The following PIK3CB variants were observed in gnomAD, a reference collection of about 807,000 sequenced individuals.
The protein encoded by PIK3CB is phosphatidylinositol 4,5-bisphosphate 3-kinase catalytic subunit beta isoform.
In PIK3CB, 39 loss-of-function variants were observed where a neutral mutation model predicts 136.8. That is an observed-to-expected ratio of 0.29 (90% CI 0.22 to 0.37). PIK3CB has a LOEUF of 0.37. Ranked by LOEUF, PIK3CB falls within the 10% of genes least tolerant of loss-of-function variation. The probability of loss-of-function intolerance (pLI) is 1.00; values close to 1 mark genes in which losing one functional copy is unlikely to be tolerated. For missense variants in PIK3CB, 868 were observed against 1,275.4 expected (o/e 0.68, Z 4.87); for synonymous variants, 428 against 436.6 (o/e 0.98, Z 0.25).
intron 10 of PIK3CB, among the ~76,000 whole-genome samples, chr3:138,711,697 T>C (rs898619844): frequency 6.6e-6 from 1 of 151,428 alleles, no homozygotes. Flanking sequence ...TTATGTCCCA[T>C]AGCGAGACTA....
chr3:138,736,267 A>G (rs2045101096), intron 6 of PIK3CB, among the ~76,000 whole-genome samples: 1 of 152,144 alleles, frequency 6.6e-6, no homozygotes, highest in African/African-American at 2.4e-5. Context: ...CTGTGCACAT[A>G]AGTTATAACT....
rs2043793246 is a variant in PIK3CB, at chr3:138,682,036, T to C, written c.2435A>G (p.Gln812Arg). 6.2e-7 allele frequency: 1 copy of C among 1,610,326 alleles called. No homozygotes were observed. The highest frequency in any genetic ancestry group is 8.5e-7 in the Non-Finnish European group (1 of 1,177,924). Residue 812 changes from glutamine to arginine, a missense_variant, in exon 19 of 24, where the codon CAG becomes CGG. By Grantham distance (43) the Gln-to-Arg change is conservative. This residue lies in a region of PIK3CB where 165 missense variants were observed against 295.4 expected (regional missense o/e 0.56). Coordinates refer to ENST00000674063, the MANE Select transcript of PIK3CB (RefSeq NM_006219.3). ...CAACATTTGGAGTGTCAACATATCCTGTCGTAAATCTAAGGGAAAACAAAC... is the reference window on the plus strand; with the variant it reads ...CAACATTTGGAGTGTCAACATATCCCGTCGTAAATCTAAGGGAAAACAAAC... Reference protein sequence around the residue: ...VIFKNGDDLRQDMLTLQMLRL... With the variant: ...VIFKNGDDLRRDMLTLQMLRL...
intron 8 of PIK3CB, among the ~76,000 whole-genome samples, chr3:138,731,760 G>A (rs1268298118): frequency 3.3e-5 from 5 of 151,646 alleles, no homozygotes; most frequent in Admixed American, 6.6e-5. Context: ...CACAGCAGGC[G>A]GATCACGAGG....
At chr3:138,821,243 C>T (rs1347146060) in intron 1 of PIK3CB, among the ~76,000 whole-genome samples, 1 of 149,190 alleles carries the variant, frequency 6.7e-6, no homozygotes. Flanking sequence ...GAGATTGTGC[C>T]ACTGCACTCC....
intron 1 of PIK3CB, among the ~76,000 whole-genome samples, chr3:138,815,368 A>AAAAAAAAAAAAAAAAAAAAAC (rs1553743726): frequency 3.8e-5 from 4 of 105,908 alleles, no homozygotes; most frequent in Non-Finnish European, 5.8e-5. Context: ...AAAAAAAAAA[A>AAAAAAAAAAAAAAAAAAAAAC]AAAAAAACTA....
intron 1 of PIK3CB, among the ~76,000 whole-genome samples, chr3:138,802,441 G>T (rs1384251559): frequency 6.6e-6 from 1 of 151,540 alleles, no homozygotes; most frequent in African/African-American, 2.4e-5. Flanking sequence ...AAAGGAAAGA[G>T]TGGCGGAGGA....
intron 12 of PIK3CB, among the ~76,000 whole-genome samples, chr3:138,702,091 T>C (rs977902294): frequency 3.6e-5 from 5 of 140,794 alleles, no homozygotes; most frequent in African/African-American, 1.2e-4. Context: ...GAAACTTTCA[T>C]TTTTGGTTTA....
chr3:138,692,863 A>C (rs894571313), intron 14 of PIK3CB, among the ~76,000 whole-genome samples: 1 of 152,216 alleles, frequency 6.6e-6, no homozygotes. Flanking sequence ...TGAATCTCAT[A>C]GATTCTCACA....
At chr3:138,740,863 T>C (rs2045229921) in intron 5 of PIK3CB, among the ~76,000 whole-genome samples, 1 of 152,118 alleles carries the variant, frequency 6.6e-6, no homozygotes, top group Admixed American at 6.6e-5. Context: ...AACCTGGTCT[T>C]GAACTCCTGG....
chr3:138,787,923 T>C (rs1449637859), intron 2 of PIK3CB, among the ~76,000 whole-genome samples: 1 of 30,838 alleles, frequency 3.2e-5, no homozygotes, highest in Non-Finnish European at 7.1e-5. Flanking sequence ...ACTAGAAGAC[T>C]TTTTTTTTTT....
intron 21 of PIK3CB, among the ~76,000 whole-genome samples, chr3:138,662,310 G>A (rs1221304704): frequency 7.8e-6 from 1 of 128,996 alleles, no homozygotes; most frequent in Non-Finnish European, 1.5e-5. Context: ...CCCTTCCTGT[G>A]TCCATGTGTT....
intron 12 of PIK3CB, among the ~76,000 whole-genome samples, chr3:138,699,435 G>A (rs2044203143): frequency 6.6e-6 from 1 of 151,894 alleles, no homozygotes. Flanking sequence ...TGGACTGCCT[G>A]AGGTCAGGAG....
intron 16 of PIK3CB, among the ~76,000 whole-genome samples, chr3:138,688,402 G>A (rs1308981248): frequency 2.0e-5 from 3 of 150,766 alleles, no homozygotes; most frequent in African/African-American, 7.3e-5. Flanking sequence ...TCGGGAGGCT[G>A]AGGCAGGAGA....
chr3:138,786,164 GT>G (rs2045980150), intron 2 of PIK3CB, among the ~76,000 whole-genome samples: 1 of 152,118 alleles, frequency 6.6e-6, no homozygotes, highest in Admixed American at 6.5e-5. Context: ...TCTTCACAGT[GT>G]TAAAGAAAAC....
intron 2 of PIK3CB, among the ~76,000 whole-genome samples, chr3:138,784,263 G>GT (rs1034512866): frequency 6.6e-6 from 1 of 152,138 alleles, no homozygotes; most frequent in African/African-American, 2.4e-5. Context: ...GCATGCACCT[G>GT]TAATTCCAGC....
intron 8 of PIK3CB, among the ~76,000 whole-genome samples, chr3:138,729,159 TA>T (rs2044911816): frequency 6.6e-6 from 1 of 151,910 alleles, no homozygotes; most frequent in Non-Finnish European, 1.5e-5. Flanking sequence ...CAGGTGCCTA[TA>T]ATTCCAGCTA....
intron 2 of PIK3CB, among the ~76,000 whole-genome samples, chr3:138,759,654 C>T (rs1576396702): frequency 6.6e-6 from 1 of 151,958 alleles, no homozygotes; most frequent in African/African-American, 2.4e-5. Context: ...AATATATACA[C>T]ATACATATGT....
At chr3:138,733,115 C>T (rs2045023118) in intron 8 of PIK3CB, among the ~76,000 whole-genome samples, 1 of 149,690 alleles carries the variant, frequency 6.7e-6, no homozygotes, top group Non-Finnish European at 1.5e-5. Flanking sequence ...GTAATATATA[C>T]TGGAAAAATA....
chr3:138,777,185 C>G (rs1953349511), intron 2 of PIK3CB, among the ~76,000 whole-genome samples: 4 of 152,150 alleles, frequency 2.6e-5, no homozygotes. Context: ...CCTCATGGAC[C>G]TGACCTGCCA....
Sources: gnomAD v4.1 joint callset for allele counts (sites outside exome capture counted in the v4.1 genomes callset) on GRCh38, gnomAD v4.1.1 for gene constraint, gnomAD v4.1.1 regional missense constraint, MANE v1.5 for transcripts, NCBI Gene and HGNC (gene_info 2026-07-23, HGNC 2026-07-21) for gene names.